GRID2: variants seen among roughly 807,000 people sequenced by gnomAD.
GRID2 encodes glutamate ionotropic receptor delta type subunit 2.
In GRID2, 33 loss-of-function variants were observed where a neutral mutation model predicts 114.8. The ratio of observed to expected loss-of-function variants is 0.29; its 90% CI spans 0.22 to 0.38. GRID2 has a LOEUF of 0.38. Among genes scored for constraint, GRID2 ranks in the 10% least tolerant of loss-of-function variants. GRID2 has a pLI of 1.00. For missense variants in GRID2, 1,184 were observed against 1,257.7 expected (o/e 0.94, Z 0.89); for synonymous variants, 505 against 449.9 (o/e 1.12, Z -1.55).
intron 2 of GRID2, among the ~76,000 whole-genome samples, chr4:92,668,514 C>T (rs559419684): frequency 1.3e-5 from 2 of 151,634 alleles, no homozygotes; most frequent in African/African-American, 4.8e-5. Flanking sequence ...CATTTAAAAC[C>T]CATACCCTTA....
At chr4:92,613,593 A>C (rs894459779) in intron 2 of GRID2, among the ~76,000 whole-genome samples, 15 of 151,420 alleles carry the variant, frequency 9.9e-5, no homozygotes, top group African/African-American at 3.6e-4. Context: ...GCTTTGATCT[A>C]TTCAGATTTT....
intron 1 of GRID2, among the ~76,000 whole-genome samples, chr4:92,434,601 T>C (rs887894496): frequency 7.2e-5 from 11 of 152,062 alleles, no homozygotes; most frequent in African/African-American, 2.2e-4. Flanking sequence ...CTGACCTCCT[T>C]TGGAGGTCAA....
At chr4:93,038,531 C>A (rs1296140423) in intron 2 of GRID2, among the ~76,000 whole-genome samples, 1 of 152,110 alleles carries the variant, frequency 6.6e-6, no homozygotes, top group Admixed American at 6.6e-5. Flanking sequence ...TGGCTCACGC[C>A]TGTAATCTCA....
chr4:93,335,694 C>CTTTTTTTTTTTTTT (rs55823712), intron 8 of GRID2, among the ~76,000 whole-genome samples: 2 of 141,726 alleles, frequency 1.4e-5, no homozygotes, highest in African/African-American at 5.4e-5. Flanking sequence ...TTTCTTCTTT[C>CTTTTTTTTTTTTTT]TTTTTTTTTT....
intron 2 of GRID2, among the ~76,000 whole-genome samples, chr4:93,034,752 G>T (rs1485817043): frequency 2.0e-5 from 3 of 152,094 alleles, no homozygotes; most frequent in Non-Finnish European, 4.4e-5. Flanking sequence ...AATCACCAGA[G>T]AATTTTATAC....
In GRID2 at chr4:92,571,801, T is replaced by A. The variant is rs548637493; in HGVS notation, c.89-18330T>A. The stretch of plus-strand genomic sequence containing the variant: ...AATGACTACTGGGTACATAACAAAA[T>A]GAAGGCAGAAATAAAGATGTTCTTT... On this transcript the variant is annotated intron_variant, in intron 1 of 15. Transcript: ENST00000282020. Among the ~76,000 whole-genome samples the A allele has an allele frequency of 4.5e-4, 69 of 152,138 alleles. 1 individual carries two copies. The highest frequency in any genetic ancestry group is 6.8e-3 in the Middle Eastern group (2 of 294).
At chr4:92,452,843 T>TATATATATATTTACC (rs1721001878) in intron 1 of GRID2, among the ~76,000 whole-genome samples, 4 of 148,100 alleles carry the variant, frequency 2.7e-5, no homozygotes, top group African/African-American at 9.8e-5. Context: ...ATATTTACCA[T>TATATATATATTTACC]ATATATATAT....
chr4:93,330,637 G>A (rs543135762), intron 8 of GRID2, among the ~76,000 whole-genome samples: 3 of 151,938 alleles, frequency 2.0e-5, no homozygotes, highest in Non-Finnish European at 4.4e-5. Context: ...ACTCTTCAAC[G>A]CTACTCTCCC....
intron 8 of GRID2, among the ~76,000 whole-genome samples, chr4:93,372,793 A>G (rs532037248): frequency 6.6e-6 from 1 of 152,192 alleles, no homozygotes; most frequent in South Asian, 2.1e-4. Flanking sequence ...TACCAGTTAT[A>G]TGACTGTGAG....
chr4:92,860,067 T>G (rs935865814), intron 2 of GRID2, among the ~76,000 whole-genome samples: 28 of 152,300 alleles, frequency 1.8e-4, no homozygotes, highest in Middle Eastern at 3.4e-3. Context: ...AATATCATTT[T>G]ATGCAATACT....
chr4:92,746,997 T>C (rs1437222861), intron 2 of GRID2, among the ~76,000 whole-genome samples: 2 of 152,068 alleles, frequency 1.3e-5, no homozygotes, highest in East Asian at 3.9e-4. Context: ...TCATTAAGAA[T>C]TTACTAAACA....
chr4:92,899,568 G>A (rs1490864891), intron 2 of GRID2, among the ~76,000 whole-genome samples: 7 of 152,078 alleles, frequency 4.6e-5, no homozygotes, highest in Middle Eastern at 3.2e-3. Context: ...TGATTTAATA[G>A]TCAGAGTTCT....
At chr4:92,829,389 A>G (rs1023746024) in intron 2 of GRID2, among the ~76,000 whole-genome samples, 3 of 152,190 alleles carry the variant, frequency 2.0e-5, no homozygotes, top group Admixed American at 2.0e-4. Flanking sequence ...ACAACAGGAT[A>G]CCATCTCATG....
intron 1 of GRID2, among the ~76,000 whole-genome samples, chr4:93,789,431 A>T (rs1471912295): frequency 1.3e-5 from 2 of 152,214 alleles, no homozygotes; most frequent in African/African-American, 4.8e-5. Flanking sequence ...GACAACTTCA[A>T]TTCATAGAAT....
intron 2 of GRID2, among the ~76,000 whole-genome samples, chr4:92,922,375 C>T (rs1278294696): frequency 6.6e-6 from 1 of 152,056 alleles, no homozygotes; most frequent in Non-Finnish European, 1.5e-5. Flanking sequence ...TCCGACAATC[C>T]CCAGTGAGAT....
intron 13 of GRID2, among the ~76,000 whole-genome samples, chr4:93,591,104 T>C (rs373592883): frequency 0.021 from 3,001 of 141,480 alleles, 32 homozygotes; most frequent in East Asian, 0.046. Flanking sequence ...TGAATAGGAG[T>C]GGTGAGAGAG....
chr4:93,710,853 A>G (rs2110166277), intron 14 of GRID2, among the ~76,000 whole-genome samples: 1 of 152,002 alleles, frequency 6.6e-6, no homozygotes, highest in Non-Finnish European at 1.5e-5. Context: ...ATCTCTCCCC[A>G]TGGCCACCAC....
intron 1 of GRID2, among the ~76,000 whole-genome samples, chr4:92,530,419 G>C (rs1299043494): frequency 6.8e-6 from 1 of 147,296 alleles, no homozygotes; most frequent in Non-Finnish European, 1.5e-5. Flanking sequence ...ACGTTTTCAA[G>C]ACTTTGGATC....
chr4:92,395,639 C>G (rs945077945), intron 1 of GRID2, among the ~76,000 whole-genome samples: 1 of 151,750 alleles, frequency 6.6e-6, no homozygotes, highest in Non-Finnish European at 1.5e-5. Flanking sequence ...TTGGCACTAT[C>G]TATCTATGTG....
Sources: gnomAD v4.1 joint callset for allele counts (sites outside exome capture counted in the v4.1 genomes callset) on GRCh38, gnomAD v4.1.1 for gene constraint, MANE v1.5 for transcripts, NCBI Gene and HGNC (gene_info 2026-07-23, HGNC 2026-07-21) for gene names.